Variants in FYB1 observed in about 807,000 individuals in gnomAD.
FYB1 encodes FYN-binding protein 1.
FYB1 carries 41 observed loss-of-function variants against 94.1 expected under a neutral mutation model. That is an observed-to-expected ratio of 0.44 (90% CI 0.34 to 0.57). FYB1 has a LOEUF of 0.57. FYB1 is among the 20% of genes least tolerant of loss of function. The pLI is 0.02. For missense variants in FYB1, 1,050 were observed against 976.8 expected, an observed-to-expected ratio of 1.07 and a Z score of -1.00; for synonymous variants, 367 against 353.2, an observed-to-expected ratio of 1.04 and a Z score of -0.44.
chr5:39,195,329 T>C (rs769145050), intron 2 of FYB1, among the ~76,000 whole-genome samples: 8 of 152,168 alleles, frequency 5.3e-5, no homozygotes, highest in Non-Finnish European at 1.0e-4. Context: ...CATGCTGATA[T>C]AAAACAGTTT....
intron 2 of FYB1, among the ~76,000 whole-genome samples, chr5:39,189,161 A>G (rs1747131642): frequency 6.6e-6 from 1 of 151,972 alleles, no homozygotes; most frequent in Admixed American, 6.6e-5. Flanking sequence ...TATCCTTGTA[A>G]TATTTTAACT....
At position 39,225,148 on chromosome 5, in the gene FYB1, T is replaced by C. The variant is rs117118867; in HGVS notation, c.-27-22161A>G. Among the ~76,000 whole-genome samples, 701 of 152,302 alleles carry C rather than the reference T, an allele frequency of 4.6e-3. 16 individuals carry two copies. Among genetic ancestry groups the C allele is most frequent in the East Asian group, 0.033 (173 of 5,174 alleles). On this transcript the variant is annotated intron_variant, in intron 1 of 1. Coordinates refer to the FYB1 transcript ENST00000510188. ...GAGTGGTCACTGAAGATTTTTGGTTTTGTATAGCTAGCAGTAAAATATATT... is the reference window on the plus strand; with the variant it reads ...GAGTGGTCACTGAAGATTTTTGGTTCTGTATAGCTAGCAGTAAAATATATT...
At chr5:39,121,693 CA>C (rs1281280963) in intron 14 of FYB1, among the ~76,000 whole-genome samples, 4 of 151,696 alleles carry the variant, frequency 2.6e-5, no homozygotes, top group African/African-American at 7.3e-5. Flanking sequence ...TTCTCTATTT[CA>C]AAAAAAATTC....
chr5:39,187,794 C>T lies in FYB1; in HGVS notation c.1135+14032G>A, dbSNP rs75422299. Among the ~76,000 whole-genome samples the T allele has an allele frequency of 3.9e-4, 59 of 151,966 alleles. No individual in the cohort carries two copies. The East Asian group carries it at 0.011, about 28-fold the overall frequency. ...TTTTCAAAGTCTATTTGTTGTAGTGCTTCCATTTTTTTTCTTTGCCTTGCA... is the reference window on the plus strand; with the variant it reads ...TTTTCAAAGTCTATTTGTTGTAGTGTTTCCATTTTTTTTCTTTGCCTTGCA... On this transcript the variant is annotated intron_variant, in intron 2 of 18. Coordinates refer to ENST00000512982, the MANE Select transcript of FYB1 (RefSeq NM_001465.6).
intron 1 of FYB1, among the ~76,000 whole-genome samples, chr5:39,254,907 T>A (rs1362812): frequency 4.0e-5 from 6 of 151,874 alleles, no homozygotes; most frequent in African/African-American, 1.5e-4. Flanking sequence ...AGACCTGATC[T>A]GGCAGAGGGG....
chr5:39,221,671 C>T (rs1054630838), upstream of FYB1, among the ~76,000 whole-genome samples: 7 of 152,180 alleles, frequency 4.6e-5, no homozygotes, highest in Admixed American at 2.6e-4. Flanking sequence ...TTCTTCTCCT[C>T]TCTGCCAACC....
chr5:39,248,302 A>T (rs1751572454), intron 1 of FYB1, among the ~76,000 whole-genome samples: 2 of 152,176 alleles, frequency 1.3e-5, no homozygotes, highest in South Asian at 2.1e-4. Context: ...TGGTGGAGAC[A>T]GATAAGAGTG....
intron 1 of FYB1, among the ~76,000 whole-genome samples, chr5:39,206,116 T>TAG (rs1387196867): frequency 2.0e-5 from 3 of 152,232 alleles, no homozygotes; most frequent in African/African-American, 7.2e-5. Flanking sequence ...ATAATAGAGT[T>TAG]ATGATATTTA....
intron 2 of FYB1, among the ~76,000 whole-genome samples, chr5:39,174,477 T>C (rs1246855229): frequency 6.6e-6 from 1 of 152,198 alleles, no homozygotes; most frequent in Non-Finnish European, 1.5e-5. Context: ...ATCTTCCTGG[T>C]TCTGCACAGG....
At chr5:39,172,102 A>G (rs1470687696) in intron 2 of FYB1, among the ~76,000 whole-genome samples, 1 of 152,192 alleles carries the variant, frequency 6.6e-6, no homozygotes, top group Non-Finnish European at 1.5e-5. Flanking sequence ...ACAGAAAGGG[A>G]ACAGAATCAG....
At chr5:39,153,909 GACTACAC>G (rs1338192048) in intron 2 of FYB1, among the ~76,000 whole-genome samples, 1 of 151,946 alleles carries the variant, frequency 6.6e-6, no homozygotes, top group East Asian at 1.9e-4. Flanking sequence ...GAGTAGCTGG[GACTACAC>G]GCGTGCACCA....
In FYB1 at chr5:39,202,108, C is replaced by T. The variant is rs773525082; in HGVS notation, c.853G>A (p.Asp285Asn). The T allele has an allele frequency of 6.2e-7, 1 of 1,614,034 alleles. No homozygotes were observed. Among genetic ancestry groups the T allele is most frequent in the South Asian group, 1.1e-5 (1 of 91,086 alleles). ...TTCTTAGCAGCATCTATCTTCCTAT[C>T]TTCCTTTTTTTCTTCACCATTTTTG... ...LSKNGEEKKE[D>N]RKIDAAKNTF... Residue 285 changes from aspartate to asparagine, a missense_variant, in exon 2 of 19, where the codon GAT becomes AAT. Transcript: ENST00000512982.
chr5:39,117,718 A>G (rs1739703704), intron 16 of FYB1, among the ~76,000 whole-genome samples: 1 of 152,120 alleles, frequency 6.6e-6, no homozygotes, highest in African/African-American at 2.4e-5. Context: ...AATTAAACTT[A>G]GAGTCCATGT....
At chr5:39,197,575 C>T (rs1747942558) in intron 2 of FYB1, among the ~76,000 whole-genome samples, 2 of 152,238 alleles carry the variant, frequency 1.3e-5, no homozygotes, top group Admixed American at 1.3e-4. Flanking sequence ...TTATTTATTT[C>T]TTCCAGGTTG....
At chr5:39,238,855 T>C (rs1257986485) in intron 1 of FYB1, among the ~76,000 whole-genome samples, 1 of 152,094 alleles carries the variant, frequency 6.6e-6, no homozygotes, top group South Asian at 2.1e-4. Context: ...CTTCTCCTTG[T>C]CACATGGTCA....
At chr5:39,217,042 T>G (rs1378455444) in intron 1 of FYB1, among the ~76,000 whole-genome samples, 2 of 152,202 alleles carry the variant, frequency 1.3e-5, no homozygotes, top group African/African-American at 4.8e-5. Flanking sequence ...AAATATTCCT[T>G]GACTTCCAGA....
At chr5:39,219,066 G>A (rs1260960081) in intron 1 of FYB1, among the ~76,000 whole-genome samples, 1 of 152,198 alleles carries the variant, frequency 6.6e-6, no homozygotes, top group Non-Finnish European at 1.5e-5. Context: ...TAGGAACCAG[G>A]ATGAAATAAA....
At chr5:39,196,850 G>C (rs1747881988) in intron 2 of FYB1, among the ~76,000 whole-genome samples, 2 of 152,174 alleles carry the variant, frequency 1.3e-5, no homozygotes, top group Admixed American at 1.3e-4. Context: ...TTATGCCTTT[G>C]GGCAAGTTAC....
intron 1 of FYB1, among the ~76,000 whole-genome samples, chr5:39,272,637 A>C (rs1752698656): frequency 7.1e-6 from 1 of 141,626 alleles, no homozygotes; most frequent in South Asian, 2.2e-4. Context: ...GCGCCACTGC[A>C]CTCCAGTTTG....
Sources: allele counts gnomAD v4.1 joint callset (sites outside exome capture counted in the v4.1 genomes callset), GRCh38; gene constraint gnomAD v4.1.1; transcripts MANE v1.5; gene names NCBI Gene and HGNC (gene_info 2026-07-23, HGNC 2026-07-21).